FZD9: variants seen among roughly 807,000 people sequenced by gnomAD.
The protein encoded by FZD9 is frizzled class receptor 9.
FZD9 carries 29 observed loss-of-function variants against 29.9 expected under a neutral mutation model. That is an observed-to-expected ratio of 0.97 (90% CI 0.72 to 1.32). The LOEUF (loss-of-function observed/expected upper bound fraction) is 1.32. Ranked by LOEUF, FZD9 falls within the 40% of genes most tolerant of loss-of-function variation. The pLI is 0.00. For synonymous variants in FZD9, 384 were observed against 393.9 expected, an observed-to-expected ratio of 0.97 and a Z score of 0.30; for missense variants, 822 against 857.8, an observed-to-expected ratio of 0.96 and a Z score of 0.52.
chr7:73,433,835 C>A lies in FZD9; in HGVS notation c.-173C>A. 5.6e-6 allele frequency: 2 copies of A among 354,004 alleles called. No homozygotes were observed. Among genetic ancestry groups the A allele is most frequent in the South Asian group, 1.1e-4 (1 of 9,362 alleles). The allele number at this position is 354,004 out of a possible 1,614,324, so 21.9% of individuals were successfully genotyped here. A position where few individuals can be genotyped will look rare whatever the true frequency, so the allele number is the denominator to read the frequency against. The stretch of plus-strand genomic sequence containing the variant: ...GGCGGTGGCGGCTAGGCGGGCTCGG[C>A]GGCTCCTGTCCCTCGGGCGGCTGCC... On this transcript the variant is annotated 5_prime_UTR_variant, in exon 1 of 1. Coordinates refer to ENST00000344575, the MANE Select transcript of FZD9 (RefSeq NM_003508.3).
rs782385561 is a variant in FZD9 at position 73,434,700 on chromosome 7, G to T, written c.693G>T (p.Ala231=). ...VFWSRRDKDF[A]LVWMAVWSAL... ...GGTCCCGGCGCGACAAGGACTTCGC[G>T]CTGGTCTGGATGGCCGTGTGGTCGG... Residue 231 remains alanine, a synonymous_variant, in exon 1 of 1, where the codon GCG becomes GCT. Transcript: ENST00000344575. The T allele has an allele frequency of 3.1e-6, 5 of 1,606,076 alleles. No homozygotes were observed. The South Asian group carries it at 5.5e-5, about 18-fold the overall frequency.
rs1338658283 is a variant in FZD9 at position 73,434,359 on chromosome 7, G to A, written c.352G>A (p.Ala118Thr). 5 of 1,577,940 alleles carry A rather than the reference G, an allele frequency of 3.2e-6. No homozygotes were observed. The highest frequency in any genetic ancestry group is 4.3e-6 in the Non-Finnish European group (5 of 1,169,928). ...IPACRPMCEQ[A>T]RLRCAPIMEQ... ...CGCCTGCCGGCCCATGTGCGAGCAG[G>A]CGCGCCTGCGCTGCGCGCCCATCAT... Residue 118 changes from alanine (A) to threonine (T), a missense_variant, in exon 1 of 1, where the codon GCG becomes ACG. By Grantham distance (58) the Ala-to-Thr change is moderately conservative. Transcript: ENST00000344575.
In FZD9 at chr7:73,434,831, A is replaced by G. The variant is rs1420177208; in HGVS notation, c.824A>G (p.Asn275Ser). The change falls in exon 1 of 1, where the codon AAC becomes AGC. Residue 275 changes from asparagine to serine, a missense_variant. Asn to Ser is a conservative substitution (Grantham distance 46). Coordinates refer to ENST00000344575, the MANE Select transcript of FZD9 (RefSeq NM_003508.3). Reference protein sequence around the residue: ...RPIIFLSMCYNVYSLAFLIRA... With the variant: ...RPIIFLSMCYSVYSLAFLIRA... ...ATCATCTTCCTCTCCATGTGCTACAACGTCTACTCGCTGGCCTTCCTGATC... is the reference window on the plus strand; with the variant it reads ...ATCATCTTCCTCTCCATGTGCTACAGCGTCTACTCGCTGGCCTTCCTGATC... The G allele has an allele frequency of 2.5e-6, 4 of 1,613,304 alleles. No individual in the cohort carries two copies. The highest frequency in any genetic ancestry group is 3.4e-6 in the Non-Finnish European group (4 of 1,179,994).
rs1787383945 is a variant in FZD9 at position 73,435,046 on chromosome 7, G to C, written c.1039G>C (p.Gly347Arg). The stretch of plus-strand genomic sequence containing the variant: ...GTTCCTGGCTGCCGGGAAGAAATGG[G>C]GCCACGAGGCCATCGAGGCCCACGG... ...TWFLAAGKKW[G>R]HEAIEAHGSY... Residue 347 changes from glycine (G) to arginine (R), a missense_variant, in exon 1 of 1, where the codon GGC becomes CGC. Physicochemically the swap from Gly to Arg is moderately radical, Grantham distance 125. Coordinates refer to ENST00000344575, the MANE Select transcript of FZD9 (RefSeq NM_003508.3). The C allele has an allele frequency of 6.2e-7, 1 of 1,613,590 alleles. No homozygotes were observed. The highest frequency in any genetic ancestry group is 1.3e-5 in the African/African-American group (1 of 74,946).
rs782651060 is a variant in FZD9, at chr7:73,434,660, G to A, written c.653G>A (p.Gly218Asp). 42 of 1,600,072 alleles carry A rather than the reference G, an allele frequency of 2.6e-5. 1 individual carries two copies. Among genetic ancestry groups the A allele is most frequent in the Non-Finnish European group, 3.4e-5 (40 of 1,179,004 alleles). The stretch of plus-strand genomic sequence containing the variant: ...TCGTGCGCACCGCGCTGCGGGCCCG[G>A]CGTCGAGGTGTTCTGGTCCCGGCGC... ...SRSCAPRCGP[G>D]VEVFWSRRDK... Residue 218 changes from glycine (G) to aspartate (D), a missense_variant, in exon 1 of 1, where the codon GGC becomes GAC. Coordinates refer to ENST00000344575, the MANE Select transcript of FZD9 (RefSeq NM_003508.3).
Position 73,435,380 on chromosome 7 carries a change from C to T in FZD9, c.1373C>T (p.Pro458Leu), listed in dbSNP as rs201201261. ...GTCTTCTCCATCCTCTACACGGTGCCCGCCACCTGCGTCATCGTTTGCTAT... is the reference window on the plus strand; with the variant it reads ...GTCTTCTCCATCCTCTACACGGTGCTCGCCACCTGCGTCATCGTTTGCTAT... ...IGVFSILYTV[P>L]ATCVIVCYVY... The change falls in exon 1 of 1, where the codon CCC becomes CTC. Residue 458 changes from proline (P) to leucine (L), a missense_variant. By Grantham distance (98) the Pro-to-Leu change is moderately conservative (BLOSUM62 -3). Transcript: ENST00000344575. 1.1e-5 allele frequency: 18 copies of T among 1,613,918 alleles called. No homozygotes were observed. The East Asian group carries it at 3.8e-4, about 34-fold the overall frequency.
rs1217984183 is a variant in FZD9, at chr7:73,433,946, C to T, written c.-62C>T. The T allele has an allele frequency of 6.2e-6, 7 of 1,126,842 alleles. No individual in the cohort carries two copies. The African/African-American group carries it at 9.9e-5, about 16-fold the overall frequency. 69.8% of individuals were successfully genotyped at this position (1,126,842 alleles called of 1,614,324 possible). ...GACGTGGCGGGCAGGCACCGGGGCGCGGGACCGCTGAGCCCGAGTGAGCCG... is the reference window on the plus strand; with the variant it reads ...GACGTGGCGGGCAGGCACCGGGGCGTGGGACCGCTGAGCCCGAGTGAGCCG... On this transcript the variant is annotated 5_prime_UTR_variant, in exon 1 of 1. Coordinates refer to ENST00000344575, the MANE Select transcript of FZD9 (RefSeq NM_003508.3).
In FZD9 at chr7:73,434,800, C is replaced by A. The variant is rs376132966; in HGVS notation, c.793C>A (p.Arg265Ser). 2.5e-6 allele frequency: 4 copies of A among 1,612,866 alleles called. No individual in the cohort carries two copies. The highest frequency in any genetic ancestry group is 3.4e-6 in the Non-Finnish European group (4 of 1,179,926). The change falls in exon 1 of 1, where the codon CGC becomes AGC. Residue 265 changes from arginine (R) to serine (S), a missense_variant. Coordinates refer to ENST00000344575, the MANE Select transcript of FZD9 (RefSeq NM_003508.3). ...GCCCCACCGCTTCCAGTACCCCGAGCGCCCCATCATCTTCCTCTCCATGTG... is the reference window on the plus strand; with the variant it reads ...GCCCCACCGCTTCCAGTACCCCGAGAGCCCCATCATCTTCCTCTCCATGTG... ...LEPHRFQYPE[R>S]PIIFLSMCYN...
rs546151479 is a variant in FZD9 at position 73,435,635 on chromosome 7, G to A, written c.1628G>A (p.Arg543His). ...CAGACCTGGCAGAGCCTGTGCTACC[G>A]CAAGATAGCAGCTGGCCGGGCCCGG... Reference protein sequence around the residue: ...TFQTWQSLCYRKIAAGRARAK... With the variant: ...TFQTWQSLCYHKIAAGRARAK... Residue 543 changes from arginine (R) to histidine (H), a missense_variant, in exon 1 of 1, where the codon CGC (arginine) becomes CAC (histidine). Coordinates refer to ENST00000344575, the MANE Select transcript of FZD9 (RefSeq NM_003508.3). 1.9e-6 allele frequency: 3 copies of A among 1,613,018 alleles called. No individual in the cohort carries two copies. The East Asian group carries it at 6.7e-5, about 36-fold the overall frequency.
Position 73,434,902 on chromosome 7 carries a change from G to C in FZD9, c.895G>C (p.Gly299Arg). 6.2e-7 allele frequency: 1 copy of C among 1,613,714 alleles called. No individual in the cohort carries two copies. The highest frequency in any genetic ancestry group is 2.2e-5 in the East Asian group (1 of 44,880). ...AQSVACDQEA[G>R]ALYVIQEGLE... ...GAGCGTGGCCTGTGACCAGGAGGCG[G>C]GCGCGCTCTACGTGATCCAGGAGGG... The change falls in exon 1 of 1, where the codon GGC (glycine) becomes CGC (arginine). Residue 299 changes from glycine (G) to arginine (R), a missense_variant. Gly to Arg is a moderately radical substitution (Grantham distance 125, BLOSUM62 -2). Coordinates refer to ENST00000344575, the MANE Select transcript of FZD9 (RefSeq NM_003508.3).
At position 73,435,108 on chromosome 7, in the gene FZD9, G is replaced by A. The variant is rs782140617; in HGVS notation, c.1101G>A (p.Ala367=). ...ACATGGCTGCCTGGGGCCTGCCCGC[G>A]CTCAAGACCATCGTCATCCTGACCC... ...YFHMAAWGLP[A]LKTIVILTLR... The change falls in exon 1 of 1, where the codon GCG becomes GCA. Residue 367 remains alanine (A), a synonymous_variant. Coordinates refer to ENST00000344575, the MANE Select transcript of FZD9 (RefSeq NM_003508.3). 1.2e-6 allele frequency: 2 copies of A among 1,611,310 alleles called. No individual in the cohort carries two copies. The highest frequency in any genetic ancestry group is 1.7e-6 in the Non-Finnish European group (2 of 1,178,860).
rs200096983 is a variant in FZD9, at chr7:73,435,051, C to T, written c.1044C>T (p.His348=). The T allele has an allele frequency of 3.5e-5, 57 of 1,613,420 alleles. No individual in the cohort carries two copies. The Admixed American group carries it at 7.0e-4, about 20-fold the overall frequency. Residue 348 remains histidine (H), a synonymous_variant, in exon 1 of 1, where the codon CAC becomes CAT. Transcript: ENST00000344575. ...TGGCTGCCGGGAAGAAATGGGGCCA[C>T]GAGGCCATCGAGGCCCACGGCAGCT... ...WFLAAGKKWG[H]EAIEAHGSYF...
At position 73,435,133 on chromosome 7, in the gene FZD9, C is replaced by T. The variant is rs139225216; in HGVS notation, c.1126C>T (p.Leu376=). The T allele has an allele frequency of 4.9e-4, 796 of 1,612,050 alleles. 3 individuals are homozygous for T. In the African/African-American group the frequency reaches 9.6e-3, roughly 19 times the overall value. Residue 376 remains leucine (L), a synonymous_variant, in exon 1 of 1, where the codon CTG becomes TTG. Coordinates refer to ENST00000344575, the MANE Select transcript of FZD9 (RefSeq NM_003508.3). The stretch of plus-strand genomic sequence containing the variant: ...GCTCAAGACCATCGTCATCCTGACC[C>T]TGCGCAAGGTGGCGGGTGATGAGCT... ...PALKTIVILT[L]RKVAGDELTG...
In FZD9 at chr7:73,434,108, G is replaced by T; in HGVS notation, c.101G>T (p.Arg34Leu). 1 of 1,425,068 alleles carries T rather than the reference G, an allele frequency of 7.0e-7. No homozygotes were observed. Among genetic ancestry groups the T allele is most frequent in the Non-Finnish European group, 9.1e-7 (1 of 1,096,436 alleles). 88.3% of individuals were successfully genotyped at this position (1,425,068 alleles called of 1,614,324 possible). ...GGCCGCTTCGACCCGGAGCGCGGGC[G>T]CGGGGCTGCGCCGTGCCAGGCGGTG... is the stretch of plus-strand genomic sequence containing the variant. ...EIGRFDPERG[R>L]GAAPCQAVEI... Residue 34 changes from arginine (R) to leucine (L), a missense_variant, in exon 1 of 1, where the codon CGC (arginine) becomes CTC (leucine). Physicochemically the swap from Arg to Leu is moderately radical, Grantham distance 102 (BLOSUM62 -2). Coordinates refer to ENST00000344575, the MANE Select transcript of FZD9 (RefSeq NM_003508.3).
chr7:73,434,938 AC>A lies in FZD9; in HGVS notation c.932del (p.Thr311ArgfsTer24). On this transcript the variant is annotated frameshift_variant, in exon 1 of 1. Transcript: ENST00000344575. LOFTEE classifies it high-confidence loss of function. ...LYVIQEGLEN[T>X]GCTLVFLLLY... ...CGTGATCCAGGAGGGCCTGGAGAACACGGGCTGCACGCTGGTCTTCCTACTG... is the reference window on the plus strand; with the variant it reads ...CGTGATCCAGGAGGGCCTGGAGAACAGGGCTGCACGCTGGTCTTCCTACTG... 6.2e-7 allele frequency: 1 copy of A among 1,614,036 alleles called. No homozygotes were observed. Among genetic ancestry groups the A allele is most frequent in the Non-Finnish European group, 8.5e-7 (1 of 1,180,006 alleles).
rs1787402755 is a variant in FZD9 at position 73,435,534 on chromosome 7, C to G, written c.1527C>G (p.Val509=). Residue 509 remains valine, a synonymous_variant, in exon 1 of 1, where the codon GTC becomes GTG. Transcript: ENST00000344575. ...LPGGSVPTVA[V]FMLKIFMSLV... is the part of the protein sequence containing the mutation. The stretch of plus-strand genomic sequence containing the variant: ...GGGGCTCGGTGCCCACCGTGGCGGT[C>G]TTCATGCTCAAAATTTTCATGTCAC... 1 of 1,613,222 alleles carries G rather than the reference C, an allele frequency of 6.2e-7. No individual in the cohort carries two copies. Among genetic ancestry groups the G allele is most frequent in the Non-Finnish European group, 8.5e-7 (1 of 1,179,834 alleles).
rs782349557 is a variant in FZD9, at chr7:73,434,841, G to C, written c.834G>C (p.Ser278=). ...IFLSMCYNVY[S]LAFLIRAVAG... is the part of the protein sequence containing the mutation. ...TCTCCATGTGCTACAACGTCTACTC[G>C]CTGGCCTTCCTGATCCGTGCGGTGG... Residue 278 remains serine (S), a synonymous_variant, in exon 1 of 1, where the codon TCG becomes TCC. Coordinates refer to ENST00000344575, the MANE Select transcript of FZD9 (RefSeq NM_003508.3). 4 of 1,613,198 alleles carry C rather than the reference G, an allele frequency of 2.5e-6. No homozygotes were observed. The Admixed American group carries it at 5.0e-5, about 20-fold the overall frequency.
chr7:73,434,720 G>C lies in FZD9; in HGVS notation c.713G>C (p.Trp238Ser). 1 of 1,608,444 alleles carries C rather than the reference G, an allele frequency of 6.2e-7. No homozygotes were observed. Among genetic ancestry groups the C allele is most frequent in the Non-Finnish European group, 8.5e-7 (1 of 1,179,788 alleles). ...KDFALVWMAV[W>S]SALCFFSTAF... ...TTCGCGCTGGTCTGGATGGCCGTGT[G>C]GTCGGCGCTGTGCTTCTTCTCCACC... The change falls in exon 1 of 1, where the codon TGG becomes TCG. Residue 238 changes from tryptophan (W) to serine (S), a missense_variant. Trp to Ser is a radical substitution (Grantham distance 177). Transcript: ENST00000344575.
Position 73,435,307 on chromosome 7 carries a change from G to T in FZD9, c.1300G>T (p.Gly434Cys), listed in dbSNP as rs782381088. 3 of 1,613,864 alleles carry T rather than the reference G, an allele frequency of 1.9e-6. No individual in the cohort carries two copies. Among genetic ancestry groups the T allele is most frequent in the Non-Finnish European group, 1.7e-6 (2 of 1,179,916 alleles). ...CCACATCCGCAAGATCATGAAGACG[G>T]GCGGCACCAACACAGAGAAGCTGGA... ...LFHIRKIMKTGGTNTEKLEKL... is the reference protein window; with the variant it reads ...LFHIRKIMKTCGTNTEKLEKL... The change falls in exon 1 of 1, where the codon GGC becomes TGC. Residue 434 changes from glycine to cysteine, a missense_variant. Gly to Cys is a radical substitution (Grantham distance 159). Transcript: ENST00000344575.
Sources: gnomAD v4.1 joint callset for allele counts on GRCh38, gnomAD v4.1.1 for gene constraint, MANE v1.5 for transcripts, NCBI Gene and HGNC (gene_info 2026-07-23, HGNC 2026-07-21) for gene names.